SORCS2: variants seen among roughly 807,000 people sequenced by gnomAD.
SORCS2 encodes the protein VPS10 domain-containing receptor SorCS2.
A neutral mutation model predicts 141.6 loss-of-function variants in SORCS2; 100 were observed. The ratio of observed to expected loss-of-function variants is 0.71; its 90% CI spans 0.60 to 0.83. SORCS2 has a LOEUF of 0.83. SORCS2 is among the 40% of genes least tolerant of loss of function. The pLI, the probability that SORCS2 is intolerant of heterozygous loss-of-function variation, is 0.00. For synonymous variants in SORCS2, 789 were observed against 676.9 expected (o/e 1.17, Z -2.57); for missense variants, 1,646 against 1,560.2 (o/e 1.05, Z -0.93).
chr4:7,738,222 C>T (rs1712356566), intron 26 of SORCS2, among the ~76,000 whole-genome samples: 1 of 152,226 alleles, frequency 6.6e-6, no homozygotes, highest in Admixed American at 6.5e-5. Flanking sequence ...CTGAGACTTG[C>T]CAGAGGGCTG....
chr4:7,581,686 C>T (rs1577787535), intron 3 of SORCS2, among the ~76,000 whole-genome samples: 1 of 152,172 alleles, frequency 6.6e-6, no homozygotes, highest in East Asian at 1.9e-4. Flanking sequence ...GTGGTGCTGA[C>T]CTAGCTACGC....
intron 4 of SORCS2, among the ~76,000 whole-genome samples, chr4:7,642,346 C>T (rs1720806511): frequency 6.6e-6 from 1 of 152,254 alleles, no homozygotes; most frequent in African/African-American, 2.4e-5. Flanking sequence ...GACTTATTTT[C>T]CCGCAGAAAT....
chr4:7,318,181 G>C (rs778003947), intron 1 of SORCS2, among the ~76,000 whole-genome samples: 1 of 152,204 alleles, frequency 6.6e-6, no homozygotes, highest in East Asian at 1.9e-4. Context: ...GATCCTGTTG[G>C]TAGGTATCTG....
intron 1 of SORCS2, among the ~76,000 whole-genome samples, chr4:7,364,492 C>G (rs185264901): frequency 3.2e-4 from 48 of 152,174 alleles, no homozygotes; most frequent in African/African-American, 1.1e-3. Context: ...CTGTGGGCTT[C>G]GGGGGCTTCA....
intron 9 of SORCS2, among the ~76,000 whole-genome samples, chr4:7,681,422 G>A (rs1343746883): frequency 1.3e-5 from 2 of 152,214 alleles, no homozygotes; most frequent in Non-Finnish European, 2.9e-5. Context: ...ATGCAGCGTT[G>A]CTAGCTTTGA....
At chr4:7,436,829 A>G (rs928472776) in intron 2 of SORCS2, among the ~76,000 whole-genome samples, 1 of 152,158 alleles carries the variant, frequency 6.6e-6, no homozygotes, top group Non-Finnish European at 1.5e-5. Context: ...ACTTCTGTGT[A>G]TGTCTTGGAT....
intron 2 of SORCS2, among the ~76,000 whole-genome samples, chr4:7,439,293 A>T (rs970511587): frequency 2.0e-5 from 3 of 151,988 alleles, no homozygotes; most frequent in Non-Finnish European, 4.4e-5. Flanking sequence ...GTGCAGTGTA[A>T]CTCCCCTGCC....
intron 1 of SORCS2, among the ~76,000 whole-genome samples, chr4:7,283,232 T>A (rs117544706): frequency 1.3e-5 from 2 of 152,290 alleles, no homozygotes; most frequent in African/African-American, 4.8e-5. Flanking sequence ...ATGTGTGATA[T>A]GACATAAAGC....
At chr4:7,280,409 T>G (rs1292579608) in intron 1 of SORCS2, among the ~76,000 whole-genome samples, 1 of 152,200 alleles carries the variant, frequency 6.6e-6, no homozygotes, top group Non-Finnish European at 1.5e-5. Context: ...GTTGTTAACA[T>G]TTCCAGAATT....
rs1178524176 is a variant in SORCS2 at position 7,510,896 on chromosome 4, C to A, written c.549-20634C>A. Among the ~76,000 whole-genome samples the A allele has an allele frequency of 2.6e-5, 4 of 152,350 alleles. No individual in the cohort carries two copies. In the East Asian group the frequency reaches 7.7e-4, roughly 29 times the overall value. ...TGGCCGCCTGACTTCACACTTTCCT[C>A]CTTTCTAACATCTGACTGTCCCGTA... On this transcript the variant is annotated intron_variant, in intron 2 of 26. Coordinates refer to ENST00000507866, the MANE Select transcript of SORCS2 (RefSeq NM_020777.3).
chr4:7,453,567 CT>C (rs1728638785), intron 2 of SORCS2, among the ~76,000 whole-genome samples: 1 of 53,144 alleles, frequency 1.9e-5, no homozygotes, highest in Admixed American at 2.2e-4. Flanking sequence ...TTGGGGTCAG[CT>C]GCTGTGTTGG....
intron 1 of SORCS2, among the ~76,000 whole-genome samples, chr4:7,327,248 C>T (rs970047232): frequency 6.6e-6 from 1 of 152,208 alleles, no homozygotes; most frequent in African/African-American, 2.4e-5. Context: ...CTGGGCCTCC[C>T]AGGAGTCAGG....
At chr4:7,646,029 C>T (rs1302128638) in intron 4 of SORCS2, among the ~76,000 whole-genome samples, 3 of 152,254 alleles carry the variant, frequency 2.0e-5, no homozygotes, top group Non-Finnish European at 4.4e-5. Context: ...TAGAGTCAAA[C>T]GTGTTCATTC....
Position 7,241,729 on chromosome 4 carries a change from C to A in SORCS2, c.480+48603C>A, listed in dbSNP as rs185950007. On this transcript the variant is annotated intron_variant, in intron 1 of 26. Coordinates refer to ENST00000507866, the MANE Select transcript of SORCS2 (RefSeq NM_020777.3). ...CCCTGGTTAAGGTGGTTTTCATTTT[C>A]TTTTCCGTTCCGATTCTGGGTGCTT... Among the ~76,000 whole-genome samples, 161 of 152,312 alleles carry A rather than the reference C, an allele frequency of 1.1e-3. 1 individual carries two copies. The highest frequency in any genetic ancestry group is 3.3e-3 in the African/African-American group (138 of 41,568).
chr4:7,556,757 C>G (rs1714145875), intron 3 of SORCS2, among the ~76,000 whole-genome samples: 1 of 150,978 alleles, frequency 6.6e-6, no homozygotes, highest in Non-Finnish European at 1.5e-5. Context: ...CATCTACCTA[C>G]CACCCATTCA....
At chr4:7,345,985 T>C (rs1430511524) in intron 1 of SORCS2, among the ~76,000 whole-genome samples, 1 of 152,222 alleles carries the variant, frequency 6.6e-6, no homozygotes, top group African/African-American at 2.4e-5. Context: ...ACCATTTCTG[T>C]TGATTTTCTC....
intron 2 of SORCS2, among the ~76,000 whole-genome samples, chr4:7,522,135 C>G (rs1462658720): frequency 1.3e-5 from 2 of 152,200 alleles, no homozygotes; most frequent in African/African-American, 2.4e-5. Flanking sequence ...AAACCTTGCC[C>G]AAGGCCAGAG....
At chr4:7,406,583 C>T (rs1348268993) in intron 2 of SORCS2, among the ~76,000 whole-genome samples, 2 of 151,472 alleles carry the variant, frequency 1.3e-5, no homozygotes, top group Non-Finnish European at 3.0e-5. Flanking sequence ...GTTGTTATGT[C>T]TCTTTTTCAT....
intron 2 of SORCS2, among the ~76,000 whole-genome samples, chr4:7,407,244 G>T (rs765334473): frequency 6.6e-6 from 1 of 152,024 alleles, no homozygotes; most frequent in Non-Finnish European, 1.5e-5. Flanking sequence ...CTGTCTGGGT[G>T]ATCTGTCCAT....
Sources: allele counts gnomAD v4.1 joint callset (sites outside exome capture counted in the v4.1 genomes callset), GRCh38; gene constraint gnomAD v4.1.1; transcripts MANE v1.5; gene names NCBI Gene and HGNC (gene_info 2026-07-23, HGNC 2026-07-21).